The following ENOX1 variants were observed in gnomAD, a reference collection of about 807,000 sequenced individuals.
ENOX1 encodes candidate growth-related and time keeping constitutive hydroquinone (NADH) oxidase.
Under a neutral mutation model 82.5 loss-of-function variants are expected in ENOX1, and 42 were observed. The observed-to-expected ratio is 0.51, with a 90% CI of 0.40 to 0.66. The LOEUF is 0.66. ENOX1 is among the 30% of genes least tolerant of loss of function. The probability of loss-of-function intolerance (pLI) is 0.00; values close to 1 mark genes in which losing one functional copy is unlikely to be tolerated. For missense variants in ENOX1, 608 were observed against 811.6 expected (o/e 0.75, Z 3.05); for synonymous variants, 271 against 282.2 (o/e 0.96, Z 0.40).
chr13:43,770,911 A>G (rs1951557024), intron 1 of ENOX1, among the ~76,000 whole-genome samples: 1 of 152,156 alleles, frequency 6.6e-6, no homozygotes, highest in African/African-American at 2.4e-5. Context: ...TGTGAAATAA[A>G]TGGATGGCTT....
rs550075826 is a variant in ENOX1 at position 43,728,472 on chromosome 13, C to T, written c.-285+58180G>A. 3.9e-5 allele frequency among the ~76,000 whole-genome samples: 6 copies of T among 152,302 alleles called. No individual in the cohort carries two copies. The South Asian group carries it at 1.2e-3, about 32-fold the overall frequency. On this transcript the variant is annotated intron_variant, in intron 1 of 16. Coordinates refer to ENST00000690772, the MANE Select transcript of ENOX1 (RefSeq NM_001347969.2). Reference sequence around the variant, plus strand: ...CACATCTAAGTCCACCACAGTACTACTCATCTCTCTGGCATTTAATACCCT... The same window carrying T: ...CACATCTAAGTCCACCACAGTACTATTCATCTCTCTGGCATTTAATACCCT...
intron 12 of ENOX1, among the ~76,000 whole-genome samples, chr13:43,283,048 A>G (rs2045486443): frequency 6.6e-6 from 1 of 151,912 alleles, no homozygotes; most frequent in African/African-American, 2.4e-5. Flanking sequence ...ACGCCACTGC[A>G]TTCCAGCCTG....
intron 2 of ENOX1, among the ~76,000 whole-genome samples, chr13:43,533,305 T>G (rs927286821): frequency 6.6e-6 from 1 of 152,148 alleles, no homozygotes; most frequent in Non-Finnish European, 1.5e-5. Flanking sequence ...TTCATTCTCC[T>G]GCTGAGTTTT....
intron 12 of ENOX1, among the ~76,000 whole-genome samples, chr13:43,289,221 T>C (rs2045869127): frequency 6.6e-6 from 1 of 152,152 alleles, no homozygotes; most frequent in African/African-American, 2.4e-5. Context: ...AAAACTATTA[T>C]AAAATTCATA....
At chr13:43,348,669 C>T (rs189897203) in intron 8 of ENOX1, among the ~76,000 whole-genome samples, 14 of 152,346 alleles carry the variant, frequency 9.2e-5, no homozygotes, top group African/African-American at 3.1e-4. Context: ...GTCTACACTA[C>T]CTCCCTGTGA....
chr13:43,372,829 TGAAAA>T (rs1297083002), intron 5 of ENOX1, among the ~76,000 whole-genome samples: 3 of 151,702 alleles, frequency 2.0e-5, no homozygotes, highest in Non-Finnish European at 4.4e-5. Context: ...AAGTTGAAGA[TGAAAA>T]GAAAGGAAGT....
chr13:43,493,758 T>A (rs1328107577), intron 2 of ENOX1, among the ~76,000 whole-genome samples: 1 of 152,190 alleles, frequency 6.6e-6, no homozygotes, highest in Non-Finnish European at 1.5e-5. Flanking sequence ...ACAAGCTCAG[T>A]GCCTACTGAA....
At chr13:43,784,737 AAC>A (rs1169454311) in intron 1 of ENOX1, among the ~76,000 whole-genome samples, 1 of 152,252 alleles carries the variant, frequency 6.6e-6, no homozygotes, top group African/African-American at 2.4e-5. Flanking sequence ...CAAATAAAAT[AAC>A]ACACAGTGTA....
At chr13:43,586,704 A>T (rs2081002516) in intron 2 of ENOX1, among the ~76,000 whole-genome samples, 1 of 152,168 alleles carries the variant, frequency 6.6e-6, no homozygotes. Context: ...CAGAATTAGC[A>T]GTTGATACCC....
chr13:43,501,447 A>T (rs1005782791), intron 2 of ENOX1, among the ~76,000 whole-genome samples: 6 of 151,820 alleles, frequency 4.0e-5, no homozygotes, highest in African/African-American at 1.4e-4. Context: ...ACCCAGCAGC[A>T]GTAGAGCAAA....
intron 2 of ENOX1, among the ~76,000 whole-genome samples, chr13:43,614,379 C>G (rs1051433021): frequency 6.6e-6 from 1 of 152,106 alleles, no homozygotes; most frequent in African/African-American, 2.4e-5. Context: ...GAAGTTACCC[C>G]TATCTGTGTG....
intron 5 of ENOX1, among the ~76,000 whole-genome samples, chr13:43,406,704 AG>A (rs1414149687): frequency 6.6e-6 from 1 of 151,992 alleles, no homozygotes; most frequent in Non-Finnish European, 1.5e-5. Context: ...CGTGTTAGCC[AG>A]GATAGTCTCA....
chr13:43,280,977 T>A (rs1212788652), intron 12 of ENOX1, among the ~76,000 whole-genome samples: 1 of 152,220 alleles, frequency 6.6e-6, no homozygotes, highest in Non-Finnish European at 1.5e-5. Flanking sequence ...TAGGCTGGTC[T>A]GGAACCCAAC....
At chr13:43,248,159 AC>A (rs1343004423) in intron 14 of ENOX1, among the ~76,000 whole-genome samples, 1 of 151,588 alleles carries the variant, frequency 6.6e-6, no homozygotes, top group Non-Finnish European at 1.5e-5. Context: ...TGCTGGGATT[AC>A]AGGCGTGAGC....
At chr13:43,225,278 T>C (rs4383049) in intron 15 of ENOX1, among the ~76,000 whole-genome samples, 147,586 of 152,260 alleles carry the variant, frequency 0.97, 71,694 homozygotes, top group East Asian at 1. Context: ...GAGAGAGGGA[T>C]GAGGGAAAGG....
intron 2 of ENOX1, among the ~76,000 whole-genome samples, chr13:43,601,007 A>G (rs1388040236): frequency 6.6e-6 from 1 of 152,162 alleles, no homozygotes; most frequent in Non-Finnish European, 1.5e-5. Context: ...GCAAGGACCA[A>G]AAACTTATAA....
At chr13:43,215,131 ATT>A (rs2041403134) in intron 16 of ENOX1, among the ~76,000 whole-genome samples, 1 of 152,214 alleles carries the variant, frequency 6.6e-6, no homozygotes, top group African/African-American at 2.4e-5. Context: ...TAGAGATATC[ATT>A]TTAGAGTCTA....
chr13:43,729,383 G>A (rs2089189611), intron 1 of ENOX1, among the ~76,000 whole-genome samples: 1 of 152,100 alleles, frequency 6.6e-6, no homozygotes, highest in Non-Finnish European at 1.5e-5. Context: ...TATTATTTAT[G>A]AAGAAGGAAT....
chr13:43,541,200 C>CTTTTTTTTT (rs1555317963), intron 2 of ENOX1, among the ~76,000 whole-genome samples: 3 of 14,432 alleles, frequency 2.1e-4, no homozygotes, highest in African/African-American at 5.7e-4. Context: ...TTTTTTTTTG[C>CTTTTTTTTT]TAAAAATGAT....
Sources: allele counts gnomAD v4.1 joint callset (sites outside exome capture counted in the v4.1 genomes callset), GRCh38; gene constraint gnomAD v4.1.1; transcripts MANE v1.5; gene names NCBI Gene and HGNC (gene_info 2026-07-23, HGNC 2026-07-21).